CHMP7: variants seen among roughly 807,000 people sequenced by gnomAD.
CHMP7 encodes the protein CHMP family, member 7.
Under a neutral mutation model 53.7 loss-of-function variants are expected in CHMP7, and 15 were observed. The observed-to-expected ratio is 0.28, with a 90% CI of 0.19 to 0.43. CHMP7 has a LOEUF of 0.43. Among genes scored for constraint, CHMP7 ranks in the 20% least tolerant of loss-of-function variants. The pLI is 1.00. For missense variants in CHMP7, 527 were observed against 569.4 expected, an observed-to-expected ratio of 0.93 and a Z score of 0.76; for synonymous variants, 261 against 228.0, an observed-to-expected ratio of 1.14 and a Z score of -1.30.
Position 23,260,590 on chromosome 8 carries a change from G to A in CHMP7, c.1353G>A (p.Lys451=), listed in dbSNP as rs2128861104. ...SPKRQLEPTL[K]PL is the part of the protein sequence containing the mutation. ...AAAGGCAATTGGAACCGACTCTAAA[G>A]CCATTGTAGGACCCTCAAGTGAAGG... The change falls in exon 11 of 11, where the codon AAG becomes AAA. Residue 451 remains lysine, a synonymous_variant. Coordinates refer to ENST00000397677, the MANE Select transcript of CHMP7 (RefSeq NM_152272.5). The A allele has an allele frequency of 6.2e-7, 1 of 1,613,794 alleles. No homozygotes were observed. The highest frequency in any genetic ancestry group is 2.2e-5 in the East Asian group (1 of 44,880).
intron 4 of CHMP7, 82 bp downstream of exon 4, chr8:23,255,514 T>C (rs1802090380): frequency 7.0e-7 from 1 of 1,422,202 alleles, no homozygotes; most frequent in African/African-American, 1.4e-5. Context: ...TCTCAGATTT[T>C]GGTTTCCAGA....
intron 5 of CHMP7, 33 bp from the exon 6 acceptor site, chr8:23,258,000 G>T (rs1343809293): frequency 4.5e-6 from 7 of 1,557,630 alleles, no homozygotes; most frequent in Non-Finnish European, 6.2e-6. Context: ...CCATCCTGTG[G>T]CACAGTAATC....
At chr8:23,249,697 A>G (rs1356861444) in intron 3 of CHMP7, among the ~76,000 whole-genome samples, 1 of 152,226 alleles carries the variant, frequency 6.6e-6, no homozygotes, top group Non-Finnish European at 1.5e-5. Context: ...AGAGTTTCTC[A>G]GGATTCCTGA....
At chr8:23,259,600 C>T (rs966471880) in intron 9 of CHMP7, among the ~76,000 whole-genome samples, 2 of 152,180 alleles carry the variant, frequency 1.3e-5, no homozygotes, top group East Asian at 1.9e-4. Context: ...CCTCGTGATC[C>T]GCCGGCCTCG....
chr8:23,247,571 G>T (rs141256711), intron 2 of CHMP7, among the ~76,000 whole-genome samples: 1 of 152,166 alleles, frequency 6.6e-6, no homozygotes, highest in African/African-American at 2.4e-5. Context: ...ATACGTGTGC[G>T]ACAGGTGCAG....
chr8:23,258,902 TC>T (rs1470175747), intron 8 of CHMP7, 72 bp downstream of exon 8: 1 of 1,184,490 alleles, frequency 8.4e-7, no homozygotes, highest in Middle Eastern at 1.9e-4. Flanking sequence ...TCATTGCACA[TC>T]CTCTTTAACG....
Position 23,246,519 on chromosome 8 carries a change from C to G in CHMP7, c.-177C>G, listed in dbSNP as rs1801687698. On this transcript the variant is annotated 5_prime_UTR_variant, in exon 2 of 11. Transcript: ENST00000397677. ...CTTCATCATACTGCCTCCTGGCTGA[C>G]GGAGCGCAGCGCAACGCATGCGCCT... The G allele has an allele frequency of 1.6e-6, 1 of 613,416 alleles. No homozygotes were observed. The highest frequency in any genetic ancestry group is 2.8e-6 in the Non-Finnish European group (1 of 350,994). 38.0% of individuals were successfully genotyped at this position (613,416 alleles called of 1,614,324 possible).
chr8:23,261,595 C>G lies in CHMP7; in HGVS notation c.*996C>G, dbSNP rs982641339. ...GTGCAATAGAAGCAGGGGTTGTCCC[C>G]TCTGCCAGATCTGTGGGGAGCTGCC... is the stretch of plus-strand genomic sequence containing the variant. On this transcript the variant is annotated 3_prime_UTR_variant, in exon 11 of 11. Coordinates refer to ENST00000397677, the MANE Select transcript of CHMP7 (RefSeq NM_152272.5). 1 of 152,792 alleles carries G rather than the reference C, an allele frequency of 6.5e-6. No homozygotes were observed. Among genetic ancestry groups the G allele is most frequent in the Non-Finnish European group, 1.5e-5 (1 of 68,144 alleles). The allele number at this position is 152,792 out of a possible 1,614,324, so 9.5% of individuals were successfully genotyped here.
chr8:23,259,740 G>T (rs766899596), intron 9 of CHMP7, among the ~76,000 whole-genome samples: 1 of 152,144 alleles, frequency 6.6e-6, no homozygotes, highest in African/African-American at 2.4e-5. Flanking sequence ...TTGCTTTTCC[G>T]GGTGCAGGCA....
chr8:23,248,481 G>A (rs1158982221), intron 2 of CHMP7, among the ~76,000 whole-genome samples: 1 of 152,212 alleles, frequency 6.6e-6, no homozygotes, highest in African/African-American at 2.4e-5. Flanking sequence ...TTTTGCTTGA[G>A]GGCCGGCTGG....
At chr8:23,247,691 G>A (rs1383166083) in intron 2 of CHMP7, among the ~76,000 whole-genome samples, 2 of 152,180 alleles carry the variant, frequency 1.3e-5, no homozygotes, top group Non-Finnish European at 2.9e-5. Context: ...TTGTGGTGAG[G>A]TGATAGAATT....
In CHMP7 at chr8:23,246,596, G is replaced by T; in HGVS notation, c.-100G>T. 2.0e-6 allele frequency: 2 copies of T among 997,976 alleles called. No homozygotes were observed. Among genetic ancestry groups the T allele is most frequent in the South Asian group, 1.6e-5 (1 of 60,878 alleles). The allele number at this position is 997,976 out of a possible 1,614,324, so 61.8% of individuals were successfully genotyped here. A position where few individuals can be genotyped will look rare whatever the true frequency, so the allele number is the denominator to read the frequency against. On this transcript the variant is annotated 5_prime_UTR_variant, in exon 2 of 11. Coordinates refer to ENST00000397677, the MANE Select transcript of CHMP7 (RefSeq NM_152272.5). ...CTCAGGGCGGCGGTGACGTGTGAAC[G>T]AGAAGGAGGTGGTCAAGGAACGGAA...
intron 9 of CHMP7, among the ~76,000 whole-genome samples, chr8:23,259,708 T>C (rs966672707): frequency 4.6e-5 from 7 of 152,220 alleles, no homozygotes; most frequent in Admixed American, 3.9e-4. Context: ...TTCCCTGTGC[T>C]GTGATGAGTT....
chr8:23,260,613 A>C lies in CHMP7; in HGVS notation c.*14A>C. The C allele has an allele frequency of 1.2e-6, 2 of 1,606,506 alleles. No homozygotes were observed. The highest frequency in any genetic ancestry group is 8.5e-7 in the Non-Finnish European group (1 of 1,173,016). ...AAGCCATTGTAGGACCCTCAAGTGA[A>C]GGACCCTCATGTAAAAGAGAGACCA... is the stretch of plus-strand genomic sequence containing the variant. On this transcript the variant is annotated 3_prime_UTR_variant, in exon 11 of 11. Transcript: ENST00000397677.
intron 7 of CHMP7, 24 bp from the exon 8 acceptor site, chr8:23,258,708 C>G (rs1389257736): frequency 1.3e-6 from 2 of 1,534,514 alleles, no homozygotes; most frequent in East Asian, 4.5e-5. Flanking sequence ...GTCATTTGCA[C>G]TGATAGCTTT....
At chr8:23,258,537 C>G in intron 7 of CHMP7, 88 bp downstream of exon 7, 1 of 1,559,412 alleles carries the variant, frequency 6.4e-7, no homozygotes. Flanking sequence ...TTGGAGGATC[C>G]CTGGGTTCTT....
intron 7 of CHMP7, 141 bp downstream of exon 7, chr8:23,258,590 G>T: frequency 7.7e-7 from 1 of 1,299,614 alleles, no homozygotes; most frequent in East Asian, 2.3e-5. Context: ...CAGTCAGGAG[G>T]TTTGGCCTCG....
Position 23,258,063 on chromosome 8 carries a change from A to C in CHMP7, c.822A>C (p.Arg274=). The change falls in exon 6 of 11, where the codon CGA becomes CGC. Residue 274 remains arginine, a synonymous_variant. Transcript: ENST00000397677. ...RCKEEARRAC[R]AGKKQLALRS... ...AAGAAGAAGCCCGCCGGGCATGCCG[A>C]GCAGGAAAGAAGCAGCTGGTGAGTT... 6.2e-7 allele frequency: 1 copy of C among 1,613,446 alleles called. No homozygotes were observed. Among genetic ancestry groups the C allele is most frequent in the African/African-American group, 1.3e-5 (1 of 75,032 alleles).
At chr8:23,249,488 C>A in intron 3 of CHMP7, 107 bp downstream of exon 3, 2 of 837,254 alleles carry the variant, frequency 2.4e-6, no homozygotes, top group Non-Finnish European at 3.6e-6. Flanking sequence ...TTTTACATGG[C>A]TACTGAGTTG....
Sources: allele counts gnomAD v4.1 joint callset (sites outside exome capture counted in the v4.1 genomes callset), GRCh38; gene constraint gnomAD v4.1.1; transcripts MANE v1.5; gene names NCBI Gene and HGNC (gene_info 2026-07-23, HGNC 2026-07-21).